SOX5: variants seen among roughly 807,000 people sequenced by gnomAD.
SOX5 encodes SRY-box transcription factor 5, also known as transcription factor SOX-5.
In SOX5, 9 loss-of-function variants were observed where a neutral mutation model predicts 92.0. The ratio of observed to expected loss-of-function variants is 0.10; its 90% confidence interval spans 0.06 to 0.17. The LOEUF (loss-of-function observed/expected upper bound fraction) is 0.17, where lower values mean the gene tolerates loss of function less well. Among genes scored for constraint, SOX5 ranks in the 10% least tolerant of loss-of-function variants. SOX5 has a pLI of 1.00. For missense variants in SOX5, 642 were observed against 944.5 expected (o/e 0.68, Z 4.20); for synonymous variants, 344 against 336.3 (o/e 1.02, Z -0.25).
intron 1 of SOX5, among the ~76,000 whole-genome samples, chr12:24,411,763 T>G (rs886792289): frequency 2.6e-5 from 4 of 152,184 alleles, no homozygotes; most frequent in Non-Finnish European, 4.4e-5. Flanking sequence ...GGGATATTGG[T>G]CTCATTTCTT....
intron 8 of SOX5, among the ~76,000 whole-genome samples, chr12:23,615,841 T>C (rs573971212): frequency 6.6e-6 from 1 of 152,210 alleles, no homozygotes; most frequent in Non-Finnish European, 1.5e-5. Flanking sequence ...AAAACTTCTT[T>C]ATATATTTGA....
intron 1 of SOX5, 113 bp from the exon 2 acceptor site, chr12:23,896,137 G>A: frequency 2.8e-6 from 2 of 711,776 alleles, no homozygotes; most frequent in East Asian, 5.1e-5. Context: ...CTAGCAGAGA[G>A]CAGGAAACCA....
chr12:23,620,187 G>A (rs982236878), intron 8 of SOX5, among the ~76,000 whole-genome samples: 4 of 152,162 alleles, frequency 2.6e-5, no homozygotes, highest in African/African-American at 4.8e-5. Context: ...GAAAAACTAC[G>A]TGCTGGGAGG....
chr12:23,696,571 T>A (rs192173829), intron 6 of SOX5, among the ~76,000 whole-genome samples: 95 of 152,296 alleles, frequency 6.2e-4, no homozygotes, highest in African/African-American at 2.3e-3. Context: ...AACTTTTCAA[T>A]ACACTTTTTT....
chr12:23,811,423 A>G (rs1379315357), intron 3 of SOX5, among the ~76,000 whole-genome samples: 2 of 152,184 alleles, frequency 1.3e-5, no homozygotes, highest in Non-Finnish European at 2.9e-5. Flanking sequence ...CCCTATTTAA[A>G]AGAAAATATA....
At chr12:24,443,762 C>T (rs1024474050) in intron 1 of SOX5, among the ~76,000 whole-genome samples, 1 of 152,216 alleles carries the variant, frequency 6.6e-6, no homozygotes, top group Non-Finnish European at 1.5e-5. Flanking sequence ...ATCAATGTAA[C>T]AGGTTGAGAC....
At chr12:24,369,497 T>A (rs1033726787) in intron 1 of SOX5, among the ~76,000 whole-genome samples, 5 of 152,190 alleles carry the variant, frequency 3.3e-5, no homozygotes, top group African/African-American at 1.2e-4. Flanking sequence ...AATGCTCTGT[T>A]CATACTGTCA....
chr12:24,404,374 T>A (rs1962445589), intron 1 of SOX5, among the ~76,000 whole-genome samples: 1 of 152,166 alleles, frequency 6.6e-6, no homozygotes, highest in African/African-American at 2.4e-5. Context: ...TTCAGGAACA[T>A]TTGAACCCTG....
intron 2 of SOX5, among the ~76,000 whole-genome samples, chr12:24,367,204 G>A (rs1434314181): frequency 6.6e-6 from 1 of 152,048 alleles, no homozygotes; most frequent in East Asian, 1.9e-4. Flanking sequence ...CCTATGAGCT[G>A]GCTCTATAAA....
intron 4 of SOX5, among the ~76,000 whole-genome samples, chr12:23,988,283 T>C (rs1283538137): frequency 6.6e-6 from 1 of 152,134 alleles, no homozygotes; most frequent in East Asian, 1.9e-4. Context: ...CATCATTCAG[T>C]CACCTAGGAC....
chr12:23,741,123 G>A, intron 4 of SOX5, 84 bp from the exon 5 acceptor site: 1 of 977,686 alleles, frequency 1.0e-6, no homozygotes, highest in South Asian at 2.7e-5. Context: ...TGTATACAGA[G>A]CCAGTCCAAA....
intron 1 of SOX5, among the ~76,000 whole-genome samples, chr12:24,485,714 C>A (rs998029515): frequency 1.3e-5 from 2 of 152,062 alleles, no homozygotes; most frequent in African/African-American, 4.8e-5. Flanking sequence ...CACAGTAAGG[C>A]CTATAATATG....
At chr12:24,407,599 G>A (rs970949956) in intron 1 of SOX5, 6 of 152,178 alleles carry the variant, frequency 3.9e-5, no homozygotes, top group Admixed American at 2.6e-4. Flanking sequence ...TCATTTATAG[G>A]CAGATTCATA....
intron 3 of SOX5, among the ~76,000 whole-genome samples, chr12:23,820,739 G>A (rs540072018): frequency 1.2e-4 from 18 of 152,164 alleles, no homozygotes; most frequent in East Asian, 9.7e-4. Context: ...TTGTAGATGC[G>A]TGGTATTATT....
At position 24,275,491 on chromosome 12, in the gene SOX5, A is replaced by C. The variant is rs1024408463; in HGVS notation, c.-77+1725T>G. On this transcript the variant is annotated intron_variant, in intron 3 of 4. Transcript: ENST00000446891. ...TTTAGAAAAGAATTTTAAATACCAAATATCAAATTTTAAATATCAAATGAA... is the reference window on the plus strand; with the variant it reads ...TTTAGAAAAGAATTTTAAATACCAACTATCAAATTTTAAATATCAAATGAA... Among the ~76,000 whole-genome samples, 10 of 152,128 alleles carry C rather than the reference A, an allele frequency of 6.6e-5. No homozygotes were observed. In the South Asian group the frequency reaches 1.9e-3, roughly 28 times the overall value.
chr12:24,384,201 T>A (rs1958128030), intron 1 of SOX5, among the ~76,000 whole-genome samples: 1 of 152,162 alleles, frequency 6.6e-6, no homozygotes, highest in African/African-American at 2.4e-5. Flanking sequence ...ACTAACACAG[T>A]TAGATTCTCA....
intron 3 of SOX5, among the ~76,000 whole-genome samples, chr12:24,265,445 G>A (rs1273541243): frequency 6.6e-6 from 1 of 152,180 alleles, no homozygotes; most frequent in Admixed American, 6.5e-5. Flanking sequence ...TTGTGAGGCT[G>A]AGGTGGGAAA....
chr12:23,890,667 T>C lies in SOX5; in HGVS notation c.270+5126A>G, dbSNP rs546563527. Among the ~76,000 whole-genome samples the C allele has an allele frequency of 3.3e-5, 5 of 152,276 alleles. No individual in the cohort carries two copies. In the South Asian group the frequency reaches 1.0e-3, roughly 32 times the overall value. On this transcript the variant is annotated intron_variant, in intron 2 of 14. Coordinates refer to ENST00000451604, the MANE Select transcript of SOX5 (RefSeq NM_006940.6). ...TGGTGCCCACAAATACTCATATTGATTGACATGAGGACGCATTCTGGAGAG... is the reference window on the plus strand; with the variant it reads ...TGGTGCCCACAAATACTCATATTGACTGACATGAGGACGCATTCTGGAGAG...
chr12:23,948,727 A>G (rs115403284), intron 1 of SOX5, among the ~76,000 whole-genome samples: 1,974 of 152,244 alleles, frequency 0.013, 46 homozygotes, highest in African/African-American at 0.045. Flanking sequence ...AAAAATTGCA[A>G]TGTGTACTTA....
Sources: allele counts gnomAD v4.1 joint callset (sites outside exome capture counted in the v4.1 genomes callset), GRCh38; gene constraint gnomAD v4.1.1; transcripts MANE v1.5; gene names NCBI Gene and HGNC (gene_info 2026-07-23, HGNC 2026-07-21).